Variants in BRD10 observed in about 807,000 individuals in gnomAD.
BRD10 encodes uncharacterized bromodomain-containing protein 10.
the BRD10 span, chr9:6,008,178 G>T: frequency 1.0e-6 from 1 of 974,086 alleles, no homozygotes; most frequent in Non-Finnish European, 1.2e-6. Flanking sequence ...GGGGCTGGGA[G>T]GGGGCGAGGA....
chr9:5,957,521 G>A, the BRD10 span, among the ~76,000 whole-genome samples: 8 of 152,110 alleles, frequency 5.3e-5, no homozygotes, highest in African/African-American at 1.9e-4. Context: ...ACTGATGGAG[G>A]AGCTGTAGCT....
At chr9:5,914,386 G>C in the BRD10 span, among the ~76,000 whole-genome samples, 2 of 138,814 alleles carry the variant, frequency 1.4e-5, no homozygotes, top group African/African-American at 5.3e-5. Context: ...CAATTCCTAA[G>C]ATGGTGTTTT....
At chr9:5,920,294 G>C in the BRD10 span, 1 of 1,613,902 alleles carries the variant, frequency 6.2e-7, no homozygotes, top group Non-Finnish European at 8.5e-7. Flanking sequence ...AAGACCTTGT[G>C]GTGGAACAAT....
the BRD10 span, chr9:5,923,455 T>C: frequency 1.6e-6 from 1 of 611,228 alleles, no homozygotes; most frequent in Admixed American, 3.0e-5. Flanking sequence ...TTAGCACCAC[T>C]GATGAAGACA....
At chr9:5,890,747 G>C in the BRD10 span, 1 of 152,146 alleles carries the variant, frequency 6.6e-6, no homozygotes, top group Non-Finnish European at 1.5e-5. Flanking sequence ...GTGACTTTTT[G>C]AAGGAAGGAA....
At chr9:5,905,490 T>C in the BRD10 span, among the ~76,000 whole-genome samples, 10 of 152,312 alleles carry the variant, frequency 6.6e-5, no homozygotes, top group East Asian at 1.9e-3. Context: ...AATCATGCCC[T>C]TCAAACCATA....
chr9:5,886,090 C>T, the BRD10 span, among the ~76,000 whole-genome samples: 4 of 152,206 alleles, frequency 2.6e-5, no homozygotes, highest in Non-Finnish European at 5.9e-5. Flanking sequence ...TATCAACCCT[C>T]GTTTGTAGCA....
At chr9:5,918,067 T>C in the BRD10 span, among the ~76,000 whole-genome samples, 1 of 152,162 alleles carries the variant, frequency 6.6e-6, no homozygotes, top group Non-Finnish European at 1.5e-5. Context: ...GCACTTGAAA[T>C]ATCACCCACT....
the BRD10 span, among the ~76,000 whole-genome samples, chr9:5,929,834 A>G: frequency 5.3e-5 from 8 of 152,118 alleles, no homozygotes; most frequent in African/African-American, 1.7e-4. Context: ...TCACTTTACA[A>G]ATGATGAAAA....
chr9:5,951,494 AGAAT>A, the BRD10 span, among the ~76,000 whole-genome samples: 2 of 152,202 alleles, frequency 1.3e-5, no homozygotes, highest in African/African-American at 2.4e-5. Flanking sequence ...AAGATATTTC[AGAAT>A]GAATAATATG....
the BRD10 span, among the ~76,000 whole-genome samples, chr9:5,989,009 TCA>T: frequency 6.6e-6 from 1 of 151,932 alleles, no homozygotes; most frequent in Non-Finnish European, 1.5e-5. Context: ...GGCAGGCGAA[TCA>T]TCTGAGGTCA....
At chr9:5,953,193 C>T in the BRD10 span, among the ~76,000 whole-genome samples, 1 of 152,070 alleles carries the variant, frequency 6.6e-6, no homozygotes, top group South Asian at 2.1e-4. Context: ...TTATTTTCAT[C>T]TCTACTTGAC....
chr9:5,880,153 A>T, the BRD10 span, among the ~76,000 whole-genome samples: 2 of 151,016 alleles, frequency 1.3e-5, no homozygotes, highest in Non-Finnish European at 3.0e-5. Flanking sequence ...TCCTGACCTC[A>T]AGAGTTCTGT....
the BRD10 span, among the ~76,000 whole-genome samples, chr9:5,965,180 C>T: frequency 6.6e-6 from 1 of 151,598 alleles, no homozygotes; most frequent in South Asian, 2.1e-4. Flanking sequence ...AGATTAACCA[C>T]ATGTAGAACT....
chr9:5,966,040 C>T, the BRD10 span, among the ~76,000 whole-genome samples: 2 of 152,212 alleles, frequency 1.3e-5, no homozygotes, highest in East Asian at 1.9e-4. Flanking sequence ...GACAAAACTG[C>T]ATCTACCAGA....
At chr9:5,974,304 T>C in the BRD10 span, among the ~76,000 whole-genome samples, 3 of 152,088 alleles carry the variant, frequency 2.0e-5, no homozygotes, top group Admixed American at 2.0e-4. Flanking sequence ...TAGATGAGAG[T>C]AAGTTAAAGT....
the BRD10 span, among the ~76,000 whole-genome samples, chr9:5,978,237 G>C: frequency 6.6e-6 from 1 of 151,594 alleles, no homozygotes; most frequent in Non-Finnish European, 1.5e-5. Context: ...TGCACGATTT[G>C]GCAAAAACAC....
At chr9:6,008,055 G>A in the BRD10 span, 2 of 981,890 alleles carry the variant, frequency 2.0e-6, no homozygotes, top group African/African-American at 3.5e-5. Flanking sequence ...GCGGCGGCGC[G>A]CGCACGGCCC....
At chr9:5,954,505 A>G in the BRD10 span, among the ~76,000 whole-genome samples, 1 of 152,212 alleles carries the variant, frequency 6.6e-6, no homozygotes, top group Non-Finnish European at 1.5e-5. Context: ...CTACAGCTGA[A>G]GACTATGGTC....
Sources: allele counts gnomAD v4.1 joint callset (sites outside exome capture counted in the v4.1 genomes callset), GRCh38; gene constraint gnomAD v4.1.1; transcripts MANE v1.5; gene names NCBI Gene and HGNC (gene_info 2026-07-23, HGNC 2026-07-21).